Variants in PRG4 observed in about 807,000 individuals in gnomAD.
PRG4 encodes articular superficial zone protein.
Under a neutral mutation model 91.2 loss-of-function variants are expected in PRG4, and 61 were observed. The ratio of observed to expected loss-of-function variants is 0.67; its 90% CI spans 0.54 to 0.83. The LOEUF (loss-of-function observed/expected upper bound fraction) is 0.83, where lower values mean the gene tolerates loss of function less well. Ranked by LOEUF, PRG4 falls within the 40% of genes least tolerant of loss-of-function variation. The pLI is 0.00. For synonymous variants in PRG4, 576 were observed against 614.2 expected, an observed-to-expected ratio of 0.94 and a Z score of 0.92; for missense variants, 1,564 against 1,714.2, an observed-to-expected ratio of 0.91 and a Z score of 1.55.
At chr1:186,299,493 T>C (rs1451400734) in intron 2 of PRG4, among the ~76,000 whole-genome samples, 1 of 152,260 alleles carries the variant, frequency 6.6e-6, no homozygotes, top group African/African-American at 2.4e-5. Context: ...ATGGATTGTT[T>C]ACTTAAGGTG....
rs762846375 is a variant in PRG4 at position 186,296,961 on chromosome 1, C to G, written c.76+10C>G. ...CAAGTTTCATCTCAAGGTAGCTTAA[C>G]CATCGAACATACTTTTATTTAACAA... On this transcript the variant is annotated intron_variant, in intron 2 of 12. Coordinates refer to ENST00000445192, the MANE Select transcript of PRG4 (RefSeq NM_005807.6). 3.7e-6 allele frequency: 6 copies of G among 1,604,260 alleles called. No individual in the cohort carries two copies. The highest frequency in any genetic ancestry group is 5.1e-6 in the Non-Finnish European group (6 of 1,171,280).
In PRG4 at chr1:186,312,018, A is replaced by G; in HGVS notation, c.3794-157A>G. 4.9e-6 allele frequency: 3 copies of G among 616,406 alleles called. No homozygotes were observed. The South Asian group carries it at 6.6e-5, about 14-fold the overall frequency. The allele number at this position is 616,406 out of a possible 1,614,324, so 38.2% of individuals were successfully genotyped here. ...GTATTTCAGTTTAATAATTATTTTT[A>G]TAATACCCTTGACTAATAGCCATTA... On this transcript the variant is annotated intron_variant, in intron 10 of 12. Transcript: ENST00000445192.
intron 9 of PRG4, 92 bp from the exon 10 acceptor site, chr1:186,311,348 T>G: frequency 6.8e-7 from 1 of 1,464,424 alleles, no homozygotes; most frequent in Non-Finnish European, 9.5e-7. Context: ...TTTAACCAAG[T>G]TAACACGTTC....
chr1:186,298,843 T>A (rs1235409773), intron 2 of PRG4, among the ~76,000 whole-genome samples: 3 of 152,114 alleles, frequency 2.0e-5, no homozygotes, highest in African/African-American at 7.2e-5. Context: ...TCTTGCTTTC[T>A]CAACCTCTTC....
rs1285258743 is a variant in PRG4, at chr1:186,307,396, G to T, written c.1677G>T (p.Glu559Asp). Residue 559 changes from glutamate to aspartate, a missense_variant, in exon 7 of 13, where the codon GAG becomes GAT. Physicochemically the swap from Glu to Asp is conservative, Grantham distance 45. This residue lies in a region of PRG4 where 1,079 missense variants were observed against 1,162.2 expected (regional missense o/e 0.93). Coordinates refer to ENST00000445192, the MANE Select transcript of PRG4 (RefSeq NM_005807.6). The part of the protein sequence containing the change: ...PKEPSPTTTK[E>D]PAPTTPKEPA... ...AGCCTTCACCCACCACCACCAAGGA[G>T]CCTGCACCCACCACTCCCAAGGAGC... 1 of 1,593,528 alleles carries T rather than the reference G, an allele frequency of 6.3e-7. No individual in the cohort carries two copies. Among genetic ancestry groups the T allele is most frequent in the East Asian group, 2.3e-5 (1 of 43,768 alleles).
At chr1:186,303,599 A>G (rs1170053046) in intron 4 of PRG4, among the ~76,000 whole-genome samples, 1 of 152,224 alleles carries the variant, frequency 6.6e-6, no homozygotes, top group Non-Finnish European at 1.5e-5. Context: ...GAGGAAAAGC[A>G]CAATGTGAAG....
In PRG4 at chr1:186,308,685, A is replaced by G; in HGVS notation, c.2966A>G (p.Lys989Arg). The G allele has an allele frequency of 6.2e-7, 1 of 1,611,556 alleles. No individual in the cohort carries two copies. The highest frequency in any genetic ancestry group is 8.5e-7 in the Non-Finnish European group (1 of 1,179,512). Residue 989 changes from lysine (K) to arginine (R), a missense_variant, in exon 7 of 13, where the codon AAA becomes AGA. By Grantham distance (26) the Lys-to-Arg change is conservative. This residue lies in a region of PRG4 where 1,079 missense variants were observed against 1,162.2 expected (regional missense o/e 0.93). Coordinates refer to ENST00000445192, the MANE Select transcript of PRG4 (RefSeq NM_005807.6). ...TTLAPKVTTT[K>R]KTITTTEIMN... ...CTTGCACCCAAAGTAACTACAACAA[A>G]AAAGACAATTACTACCACTGAGATT...
intron 2 of PRG4, among the ~76,000 whole-genome samples, chr1:186,299,863 G>C (rs1023198413): frequency 2.0e-5 from 3 of 152,096 alleles, no homozygotes; most frequent in African/African-American, 7.2e-5. Context: ...ACTTTGCCTG[G>C]TTTTCAAAAA....
intron 2 of PRG4, 46 bp from the exon 3 acceptor site, chr1:186,300,045 T>C (rs1014636658): frequency 1.2e-6 from 2 of 1,607,188 alleles, no homozygotes; most frequent in African/African-American, 1.3e-5. Flanking sequence ...GCTCCCTTTC[T>C]ATAAAGTGGT....
At position 186,296,294 on chromosome 1, in the gene PRG4, G is replaced by C. The variant is rs973798441; in HGVS notation, c.-31+1G>C. 6.5e-6 allele frequency: 1 copy of C among 154,330 alleles called. No homozygotes were observed. The highest frequency in any genetic ancestry group is 1.4e-5 in the Non-Finnish European group (1 of 69,528). 9.6% of individuals were successfully genotyped at this position (154,330 alleles called of 1,614,324 possible). ...GGATAAACTCATCTATCCTTTACGG[G>C]TAAGTGTCAAAGTTAACTTGCTTCA... On this transcript the variant is annotated splice_donor_variant, in intron 1 of 12. Transcript: ENST00000445192. LOFTEE classifies it low-confidence loss of function (5UTR_SPLICE).
Position 186,306,504 on chromosome 1 carries a change from C to A in PRG4, c.785C>A (p.Pro262His). The A allele has an allele frequency of 6.2e-7, 1 of 1,613,380 alleles. No homozygotes were observed. Among genetic ancestry groups the A allele is most frequent in the African/African-American group, 1.3e-5 (1 of 74,926 alleles). ...ACAGCAAAACCAATAAATCCCAGAC[C>A]CAGTCTTCCACCTAATTCTGATACA... ...ITTAKPINPR[P>H]SLPPNSDTSK... The change falls in exon 7 of 13, where the codon CCC becomes CAC. Residue 262 changes from proline to histidine, a missense_variant. Transcript: ENST00000445192.
intron 11 of PRG4, 172 bp from the exon 12 acceptor site, chr1:186,312,597 C>A: frequency 2.5e-6 from 2 of 790,360 alleles, no homozygotes; most frequent in Non-Finnish European, 4.0e-6. Flanking sequence ...TAGTTATAAC[C>A]AATACTATTT....
intron 2 of PRG4, among the ~76,000 whole-genome samples, chr1:186,298,898 T>C (rs926132854): frequency 6.6e-6 from 1 of 152,064 alleles, no homozygotes; most frequent in Non-Finnish European, 1.5e-5. Flanking sequence ...TTTATATACA[T>C]ACACTATATA....
chr1:186,308,986 A>C lies in PRG4; in HGVS notation c.3267A>C (p.Glu1089Asp). ...PNQTPNSKLV[E>D]VNPKSEDAGG... Reference sequence around the variant, plus strand: ...AAACTCCAAACTCCAAACTAGTTGAAGTAAATCCAAAGAGTGAAGATGCAG... The same window carrying C: ...AAACTCCAAACTCCAAACTAGTTGACGTAAATCCAAAGAGTGAAGATGCAG... Residue 1089 changes from glutamate to aspartate, a missense_variant, in exon 7 of 13, where the codon GAA (glutamate) becomes GAC (aspartate). By Grantham distance (45) the Glu-to-Asp change is conservative (BLOSUM62 2). This residue lies in a region of PRG4 where 1,079 missense variants were observed against 1,162.2 expected (regional missense o/e 0.93). Coordinates refer to ENST00000445192, the MANE Select transcript of PRG4 (RefSeq NM_005807.6). The C allele has an allele frequency of 6.2e-7, 1 of 1,609,060 alleles. No homozygotes were observed. The highest frequency in any genetic ancestry group is 2.2e-5 in the East Asian group (1 of 44,828).
chr1:186,313,904 C>T lies in PRG4; in HGVS notation c.*126C>T. 2.6e-6 allele frequency: 4 copies of T among 1,561,340 alleles called. No homozygotes were observed. The highest frequency in any genetic ancestry group is 2.6e-6 in the Non-Finnish European group (3 of 1,134,228). ...GTTTATATATAAAAATGTTTTTAAACTTGACAATCATTACACTAAAACAGA... is the reference window on the plus strand; with the variant it reads ...GTTTATATATAAAAATGTTTTTAAATTTGACAATCATTACACTAAAACAGA... On this transcript the variant is annotated 3_prime_UTR_variant, in exon 13 of 13. Transcript: ENST00000445192.
At position 186,301,844 on chromosome 1, in the gene PRG4, T is replaced by TAATTTTGTTTTGTGGAGATG. The variant is rs895910503; in HGVS notation, c.319+138_319+157dup. 9 of 1,311,876 alleles carry TAATTTTGTTTTGTGGAGATG rather than the reference T, an allele frequency of 6.9e-6. No individual in the cohort carries two copies. In the Admixed American group the frequency reaches 1.6e-4, roughly 23 times the overall value. The allele number at this position is 1,311,876 out of a possible 1,614,324, so 81.3% of individuals were successfully genotyped here. A position where few individuals can be genotyped will look rare whatever the true frequency, so the allele number is the denominator to read the frequency against. On this transcript the variant is annotated intron_variant, in intron 4 of 12. Transcript: ENST00000445192. ...TACTAACATATAAGCTATTTCATAATAATTTTGTTTTGTGGAGATGAATTA... is the reference window on the plus strand; with the variant it reads ...TACTAACATATAAGCTATTTCATAATAATTTTGTTTTGTGGAGATGAATTTTGTTTTGTGGAGATGAATTA...
Position 186,307,347 on chromosome 1 carries a change from A to G in PRG4, c.1628A>G (p.Lys543Arg), listed in dbSNP as rs371097893. The change falls in exon 7 of 13, where the codon AAG (lysine) becomes AGG (arginine). Residue 543 changes from lysine to arginine, a missense_variant. Coordinates refer to ENST00000445192, the MANE Select transcript of PRG4 (RefSeq NM_005807.6). ...AAGGAGCCTGCACCCACCACTACCAAGTCTGCACCCACCACTCCCAAGGAG... is the reference window on the plus strand; with the variant it reads ...AAGGAGCCTGCACCCACCACTACCAGGTCTGCACCCACCACTCCCAAGGAG... ...TTKEPAPTTTKSAPTTPKEPS... is the reference protein window; with the variant it reads ...TTKEPAPTTTRSAPTTPKEPS... The G allele has an allele frequency of 6.9e-6, 11 of 1,588,784 alleles. No individual in the cohort carries two copies. The highest frequency in any genetic ancestry group is 9.4e-6 in the Non-Finnish European group (11 of 1,172,748).
intron 8 of PRG4, among the ~76,000 whole-genome samples, chr1:186,310,092 G>T (rs61054452): frequency 0.051 from 6,289 of 122,608 alleles, 429 homozygotes; most frequent in African/African-American, 0.17. Flanking sequence ...TACTACTGAG[G>T]TTTTTTCCTA....
At chr1:186,310,990 T>A in intron 8 of PRG4, 44 bp from the exon 9 acceptor site, 1 of 1,611,308 alleles carries the variant, frequency 6.2e-7, no homozygotes, top group Non-Finnish European at 8.5e-7. Context: ...TTGTGATAGG[T>A]TTAGCATTCA....
Sources: gnomAD v4.1 joint callset for allele counts (sites outside exome capture counted in the v4.1 genomes callset) on GRCh38, gnomAD v4.1.1 for gene constraint, gnomAD v4.1.1 regional missense constraint, MANE v1.5 for transcripts, NCBI Gene and HGNC (gene_info 2026-07-23, HGNC 2026-07-21) for gene names.